LRP6: variants seen among roughly 807,000 people sequenced by gnomAD.
LRP6 encodes low-density lipoprotein receptor-related protein 6.
In LRP6, 43 loss-of-function variants were observed where a neutral mutation model predicts 184.1. The ratio of observed to expected loss-of-function variants is 0.23; its 90% CI spans 0.18 to 0.30. The LOEUF is 0.30. Ranked by LOEUF, LRP6 falls within the 10% of genes least tolerant of loss-of-function variation. The probability of loss-of-function intolerance (pLI) is 1.00; values close to 1 mark genes in which losing one functional copy is unlikely to be tolerated. For synonymous variants in LRP6, 719 were observed against 684.9 expected (o/e 1.05, Z -0.78); for missense variants, 1,571 against 2,005.3 (o/e 0.78, Z 4.14).
chr12:12,254,436 A>C (rs2135935739), intron 1 of LRP6, among the ~76,000 whole-genome samples: 1 of 152,186 alleles, frequency 6.6e-6, no homozygotes, highest in East Asian at 1.9e-4. Context: ...GATATAAGGA[A>C]CCCCTTTCTC....
intron 2 of LRP6, among the ~76,000 whole-genome samples, chr12:12,221,885 TCA>T (rs1864498908): frequency 6.6e-6 from 1 of 152,210 alleles, no homozygotes; most frequent in South Asian, 2.1e-4. Flanking sequence ...TTGGACTGTG[TCA>T]TCTATAATTC....
intron 2 of LRP6, among the ~76,000 whole-genome samples, chr12:12,206,083 A>G (rs1864049434): frequency 6.6e-6 from 1 of 152,232 alleles, no homozygotes; most frequent in South Asian, 2.1e-4. Context: ...CCTAGCAGCA[A>G]TAAGCTATCT....
chr12:12,238,641 G>T (rs898655380), intron 2 of LRP6, among the ~76,000 whole-genome samples: 1 of 152,026 alleles, frequency 6.6e-6, no homozygotes, highest in Non-Finnish European at 1.5e-5. Context: ...AACTAATCAC[G>T]TAGAATTCTA....
intron 12 of LRP6, among the ~76,000 whole-genome samples, chr12:12,153,648 T>A (rs143730308): frequency 6.6e-6 from 1 of 152,346 alleles, no homozygotes; most frequent in South Asian, 2.1e-4. Flanking sequence ...GTGTTTAAAA[T>A]GACAAAGAAT....
chr12:12,138,878 A>C lies in LRP6; in HGVS notation c.3398-344T>G, dbSNP rs770038205. On this transcript the variant is annotated intron_variant, in intron 15 of 22. Coordinates refer to ENST00000261349, the MANE Select transcript of LRP6 (RefSeq NM_002336.3). Reference sequence around the variant, plus strand: ...CTGGAGGAGCAGTGGTGGTGGACCCAGAGTTCTGAGTATACCTGAGGCATT... The same window carrying C: ...CTGGAGGAGCAGTGGTGGTGGACCCCGAGTTCTGAGTATACCTGAGGCATT... 9 of 1,374,502 alleles carry C rather than the reference A, an allele frequency of 6.5e-6. No homozygotes were observed. The East Asian group carries it at 4.0e-4, about 61-fold the overall frequency. The allele number at this position is 1,374,502 out of a possible 1,614,324, so 85.1% of individuals were successfully genotyped here. A position where few individuals can be genotyped will look rare whatever the true frequency, so the allele number is the denominator to read the frequency against.
rs1949817502 is a variant in LRP6, at chr12:12,135,242, C to T, written c.3666G>A (p.Gly1222=). Residue 1222 remains glycine (G), a synonymous_variant, in exon 17 of 23, where the codon GGG becomes GGA. Transcript: ENST00000261349. ...GGCSHICLVK[G]DGTTRCSCPM... is the part of the protein sequence containing the mutation. ...GGCAAGAACACCTTGTAGTACCATC[C>T]CCCTTTACAAGACAAATATGTGAAC... 6.2e-7 allele frequency: 1 copy of T among 1,613,784 alleles called. No individual in the cohort carries two copies. Among genetic ancestry groups the T allele is most frequent in the Non-Finnish European group, 8.5e-7 (1 of 1,179,942 alleles).
At chr12:12,175,731 T>TA (rs1317540368) in intron 7 of LRP6, among the ~76,000 whole-genome samples, 3 of 145,094 alleles carry the variant, frequency 2.1e-5, no homozygotes, top group African/African-American at 5.0e-5. Context: ...TAAAATAAAA[T>TA]AAATAAATAA....
At chr12:12,148,752 A>G (rs1449292882) in intron 14 of LRP6, among the ~76,000 whole-genome samples, 190 bp downstream of exon 14, 1 of 152,188 alleles carries the variant, frequency 6.6e-6, no homozygotes, top group Non-Finnish European at 1.5e-5. Context: ...CCCAGGAAAG[A>G]AAGTCTGGGC....
intron 16 of LRP6, among the ~76,000 whole-genome samples, chr12:12,137,996 C>CTA (rs1446866667): frequency 4.6e-5 from 7 of 150,672 alleles, no homozygotes; most frequent in Non-Finnish European, 8.9e-5. Context: ...AACCCTGCTT[C>CTA]TACTAAAAAT....
intron 21 of LRP6, 43 bp from the exon 22 acceptor site, chr12:12,124,705 A>G: frequency 8.1e-7 from 1 of 1,228,160 alleles, no homozygotes. Flanking sequence ...AACAACATAG[A>G]AACTATCAGA....
In LRP6 at chr12:12,116,513, G is replaced by A. The variant is rs1395961940; in HGVS notation, c.*4613C>T. 6.6e-6 allele frequency: 1 copy of A among 152,008 alleles called. No homozygotes were observed. The highest frequency in any genetic ancestry group is 2.4e-5 in the African/African-American group (1 of 41,366). The allele number at this position is 152,008 out of a possible 1,614,324, so 9.4% of individuals were successfully genotyped here. A position where few individuals can be genotyped will look rare whatever the true frequency, so the allele number is the denominator to read the frequency against. ...CCCATATTTAGGCATTAGATATATA[G>A]AATATGTATCTATATATAAATATAT... is the stretch of plus-strand genomic sequence containing the variant. On this transcript the variant is annotated 3_prime_UTR_variant, in exon 23 of 23. Transcript: ENST00000261349.
chr12:12,241,114 A>G (rs990462618), intron 2 of LRP6, among the ~76,000 whole-genome samples: 3 of 152,200 alleles, frequency 2.0e-5, no homozygotes, highest in African/African-American at 7.2e-5. Flanking sequence ...AGATGTCTGC[A>G]CTAGTTCCCA....
In LRP6 at chr12:12,126,885, G is replaced by A. The variant is rs1405392260; in HGVS notation, c.4118C>T (p.Thr1373Ile). 3.1e-6 allele frequency: 5 copies of A among 1,613,962 alleles called. No homozygotes were observed. The highest frequency in any genetic ancestry group is 4.2e-6 in the Non-Finnish European group (5 of 1,179,968). Reference sequence around the variant, plus strand: ...AATTACGCCAATAACAGAACCAACTGTATTGGTGGCCTGTGGTGCTGGTTC... The same window carrying A: ...AATTACGCCAATAACAGAACCAACTATATTGGTGGCCTGTGGTGCTGGTTC... ...TEEPAPQATNTVGSVIGVIVT... is the reference protein window; with the variant it reads ...TEEPAPQATNIVGSVIGVIVT... The change falls in exon 20 of 23, where the codon ACA (threonine) becomes ATA (isoleucine). Residue 1373 changes from threonine to isoleucine, a missense_variant. Thr to Ile is a moderately conservative substitution (Grantham distance 89). Transcript: ENST00000261349.
chr12:12,140,696 C>T (rs1057201539), intron 15 of LRP6, among the ~76,000 whole-genome samples: 5 of 151,688 alleles, frequency 3.3e-5, no homozygotes, highest in African/African-American at 4.8e-5. Flanking sequence ...CTTCACCTTC[C>T]GGTTTCACGT....
chr12:12,186,436 T>C (rs1013156843), intron 4 of LRP6, among the ~76,000 whole-genome samples: 5 of 152,090 alleles, frequency 3.3e-5, no homozygotes, highest in Admixed American at 3.3e-4. Context: ...TGGAGTGCAG[T>C]GGCACAATCT....
intron 6 of LRP6, among the ~76,000 whole-genome samples, chr12:12,180,780 G>A (rs780674599): frequency 8.5e-5 from 13 of 152,062 alleles, no homozygotes; most frequent in Non-Finnish European, 1.3e-4. Flanking sequence ...GATGCAATCC[G>A]AGCAAAATCT....
chr12:12,215,416 T>C (rs1773752744), intron 2 of LRP6, among the ~76,000 whole-genome samples: 2 of 151,966 alleles, frequency 1.3e-5, no homozygotes, highest in African/African-American at 4.8e-5. Context: ...AGGACTAAGA[T>C]TATTTTATTT....
At chr12:12,161,992 TACG>T (rs1862753011) in intron 10 of LRP6, among the ~76,000 whole-genome samples, 198 bp downstream of exon 10, 1 of 152,178 alleles carries the variant, frequency 6.6e-6, no homozygotes, top group Non-Finnish European at 1.5e-5. Flanking sequence ...TAAAGTTAAT[TACG>T]ACAAGAGTAA....
At chr12:12,206,903 C>G (rs1264051257) in intron 2 of LRP6, among the ~76,000 whole-genome samples, 1 of 151,662 alleles carries the variant, frequency 6.6e-6, no homozygotes, top group Non-Finnish European at 1.5e-5. Context: ...TCTGTGAGTT[C>G]AGCAAATTCT....
Sources: gnomAD v4.1 joint callset for allele counts (sites outside exome capture counted in the v4.1 genomes callset) on GRCh38, gnomAD v4.1.1 for gene constraint, MANE v1.5 for transcripts, NCBI Gene and HGNC (gene_info 2026-07-23, HGNC 2026-07-21) for gene names.